DNHD1: variants seen among roughly 807,000 people sequenced by gnomAD.
DNHD1 encodes dynein heavy chain domain-containing protein 1.
A neutral mutation model predicts 458.1 loss-of-function variants in DNHD1; 383 were observed. That is an observed-to-expected ratio of 0.84 (90% CI 0.77 to 0.91). The LOEUF is 0.91. Ranked by LOEUF, DNHD1 falls within the 40% of genes least tolerant of loss-of-function variation. DNHD1 has a pLI of 0.00. For missense variants in DNHD1, 5,336 were observed against 5,866.1 expected (o/e 0.91, Z 2.95); for synonymous variants, 2,203 against 2,376.9 (o/e 0.93, Z 2.13).
intron 3 of DNHD1, among the ~76,000 whole-genome samples, chr11:6,499,717 G>A (rs1564992781): frequency 6.6e-6 from 1 of 151,902 alleles, no homozygotes; most frequent in Non-Finnish European, 1.5e-5. Flanking sequence ...ACAGGCACGT[G>A]CCACCATACT....
At position 6,497,599 on chromosome 11, in the gene DNHD1, G is replaced by C. The variant is rs1338974947; in HGVS notation, c.-514G>C. 1 of 152,840 alleles carries C rather than the reference G, an allele frequency of 6.5e-6. No individual in the cohort carries two copies. Among genetic ancestry groups the C allele is most frequent in the Non-Finnish European group, 1.5e-5 (1 of 68,482 alleles). 9.5% of individuals were successfully genotyped at this position (152,840 alleles called of 1,614,324 possible). On this transcript the variant is annotated 5_prime_UTR_variant, in exon 2 of 43. Transcript: ENST00000254579. ...CCGTTTTTCAGGCGATCGCCAGCTCGAGTGCAGATTCCTTGCTGTGACCGA... is the reference window on the plus strand; with the variant it reads ...CCGTTTTTCAGGCGATCGCCAGCTCCAGTGCAGATTCCTTGCTGTGACCGA...
At chr11:6,552,481 G>A (rs563087243) in intron 24 of DNHD1, among the ~76,000 whole-genome samples, 363 of 152,030 alleles carry the variant, frequency 2.4e-3, no homozygotes, top group Non-Finnish European at 3.6e-3. Flanking sequence ...CCAGGATCAC[G>A]CCATTGCACT....
At position 6,498,062 on chromosome 11, in the gene DNHD1, C is replaced by A; in HGVS notation, c.-154C>A. ...TTCCTCCTAACCCCATTGACTCTGA[C>A]CATCCCCTGCCCAGAGCCTGAGGTC... On this transcript the variant is annotated 5_prime_UTR_variant, in exon 3 of 43. Coordinates refer to ENST00000254579, the MANE Select transcript of DNHD1 (RefSeq NM_144666.3). The A allele has an allele frequency of 2.9e-6, 3 of 1,032,702 alleles. No homozygotes were observed. The highest frequency in any genetic ancestry group is 4.3e-6 in the Non-Finnish European group (3 of 697,794). The allele number at this position is 1,032,702 out of a possible 1,614,324, so 64.0% of individuals were successfully genotyped here. A position where few individuals can be genotyped will look rare whatever the true frequency, so the allele number is the denominator to read the frequency against.
rs1853654640 is a variant in DNHD1 at position 6,564,481 on chromosome 11, GC to G, written c.10436del (p.Pro3479GlnfsTer8). Reference protein sequence around the residue: ...ALCRGFQEALGPDDVAQALKR... With the variant: ...ALCRGFQEALXPDDVAQALKR... ...TGTAGGGGCTTTCAGGAGGCTCTGGGCCCAGATGATGTGGCACAGGCACTGA... is the reference window on the plus strand; with the variant it reads ...TGTAGGGGCTTTCAGGAGGCTCTGGGCCAGATGATGTGGCACAGGCACTGA... On this transcript the variant is annotated frameshift_variant, in exon 32 of 43. Transcript: ENST00000254579. LOFTEE classifies it high-confidence loss of function. 1 of 1,551,548 alleles carries G rather than the reference GC, an allele frequency of 6.4e-7. No individual in the cohort carries two copies. The highest frequency in any genetic ancestry group is 1.4e-5 in the African/African-American group (1 of 73,026).
chr11:6,512,262 C>T (rs1852354602), intron 7 of DNHD1, among the ~76,000 whole-genome samples: 1 of 134,070 alleles, frequency 7.5e-6, no homozygotes. Flanking sequence ...GCTCTGTCAC[C>T]CAGGCTGGAG....
At chr11:6,543,951 T>G (rs532380499) in intron 18 of DNHD1, among the ~76,000 whole-genome samples, 170 bp from the exon 19 acceptor site, 270 of 85,902 alleles carry the variant, frequency 3.1e-3, no homozygotes, top group Admixed American at 9.8e-3. Flanking sequence ...AAAGCGAGAC[T>G]CTGTCTCAAA....
At position 6,509,130 on chromosome 11, in the gene DNHD1, A is replaced by C; in HGVS notation, c.1125-32A>C. 3 of 1,614,114 alleles carry C rather than the reference A, an allele frequency of 1.9e-6. No individual in the cohort carries two copies. The East Asian group carries it at 6.7e-5, about 36-fold the overall frequency. ...ATTTGGGGGGAAATGGATGACAGCAACAGTATATTATCACTGACCTCTAAT... is the reference window on the plus strand; with the variant it reads ...ATTTGGGGGGAAATGGATGACAGCACCAGTATATTATCACTGACCTCTAAT... On this transcript the variant is annotated intron_variant, in intron 5 of 42. Transcript: ENST00000254579.
intron 3 of DNHD1, 41 bp from the exon 4 acceptor site, chr11:6,502,712 T>G: frequency 6.5e-7 from 1 of 1,537,126 alleles, no homozygotes; most frequent in African/African-American, 1.4e-5. Flanking sequence ...GTACTTGACC[T>G]TTTTACTCTG....
At chr11:6,513,801 C>T (rs1481187691) in intron 7 of DNHD1, among the ~76,000 whole-genome samples, 3 of 151,970 alleles carry the variant, frequency 2.0e-5, no homozygotes, top group African/African-American at 7.2e-5. Flanking sequence ...AGTGGTTGTA[C>T]CAGTTTACGT....
At position 6,546,066 on chromosome 11, in the gene DNHD1, G is replaced by A. The variant is rs1438788392; in HGVS notation, c.5127G>A (p.Val1709=). The stretch of plus-strand genomic sequence containing the variant: ...CACAGGCCCTGGGCCGCCAGCTGGT[G>A]ATGCTACCCTGCTCACCTCAGATAG... ...SLAQALGRQL[V]MLPCSPQIEA... The change falls in exon 21 of 43, where the codon GTG becomes GTA. Residue 1709 remains valine, a synonymous_variant. Coordinates refer to ENST00000254579, the MANE Select transcript of DNHD1 (RefSeq NM_144666.3). 2.6e-6 allele frequency: 4 copies of A among 1,551,196 alleles called. No individual in the cohort carries two copies. In the African/African-American group the frequency reaches 4.1e-5, roughly 16 times the overall value.
In DNHD1 at chr11:6,566,285, G is replaced by A. The variant is rs762736079; in HGVS notation, c.11098G>A (p.Glu3700Lys). ...CAATGTGGAGCTGGGTCTAGGGTGC[G>A]AAGAACTGCAATGGCTGCTGCAACG... Reference protein sequence around the residue: ...LTNVELGLGCEELQWLLQREQ... With the variant: ...LTNVELGLGCKELQWLLQREQ... The change falls in exon 34 of 43, where the codon GAA (glutamate) becomes AAA (lysine). Residue 3700 changes from glutamate to lysine, a missense_variant. Transcript: ENST00000254579. The A allele has an allele frequency of 2.3e-5, 36 of 1,551,816 alleles. No individual in the cohort carries two copies. The highest frequency in any genetic ancestry group is 7.1e-5 in the South Asian group (6 of 84,068).
chr11:6,509,346 T>A, intron 6 of DNHD1, 74 bp downstream of exon 6: 1 of 1,330,588 alleles, frequency 7.5e-7, no homozygotes. Flanking sequence ...ATGTTTGTTG[T>A]AGAAAATCTG....
At chr11:6,563,202 A>G (rs751824423) in intron 29 of DNHD1, 71 bp downstream of exon 29, 51 of 1,546,994 alleles carry the variant, frequency 3.3e-5, no homozygotes, top group Non-Finnish European at 1.7e-6. Flanking sequence ...AAGGATACCA[A>G]GAGGAGAGGA....
At position 6,528,795 on chromosome 11, in the gene DNHD1, CA is replaced by C; in HGVS notation, c.2103+9del. On this transcript the variant is annotated intron_variant, in intron 11 of 42. Transcript: ENST00000254579. ...CAACAGGTGCTGCTGGAGGTGAGAA[CA>C]GTGGTTTAAGGGATAGGGCGCTGCC... 1.3e-6 allele frequency: 2 copies of C among 1,551,284 alleles called. No homozygotes were observed. The highest frequency in any genetic ancestry group is 1.7e-6 in the Non-Finnish European group (2 of 1,146,690).
chr11:6,520,812 C>T lies in DNHD1; in HGVS notation c.1837+523C>T. ...AGCGTGGAAACACATCTTCACATTT[C>T]CCTTATTTAGGATACTAATGCTGTC... On this transcript the variant is annotated intron_variant, in intron 10 of 42. Transcript: ENST00000254579. 6.1e-6 allele frequency: 6 copies of T among 990,568 alleles called. No homozygotes were observed. The South Asian group carries it at 2.8e-4, about 46-fold the overall frequency. 61.4% of individuals were successfully genotyped at this position (990,568 alleles called of 1,614,324 possible).
Position 6,540,089 on chromosome 11 carries a change from A to C in DNHD1, c.3628+6A>C. 6.4e-7 allele frequency: 1 copy of C among 1,551,064 alleles called. No homozygotes were observed. Among genetic ancestry groups the C allele is most frequent in the South Asian group, 1.2e-5 (1 of 84,048 alleles). On this transcript the variant is annotated splice_donor_region_variant and intron_variant, in intron 18 of 42. Coordinates refer to ENST00000254579, the MANE Select transcript of DNHD1 (RefSeq NM_144666.3). ...TGGCACCTTCATCCTCTCAGGTGAG[A>C]CCCAGACCTTGTGACCTAGTGAAAG...
chr11:6,565,559 T>G (rs1853677510), intron 32 of DNHD1, 136 bp from the exon 33 acceptor site: 18 of 917,200 alleles, frequency 2.0e-5, no homozygotes, highest in South Asian at 3.7e-5. Flanking sequence ...AATTGAGTCA[T>G]AGAGAGCTTA....
At position 6,557,158 on chromosome 11, in the gene DNHD1, G is replaced by A; in HGVS notation, c.7863G>A (p.Glu2621=). 2 of 1,551,756 alleles carry A rather than the reference G, an allele frequency of 1.3e-6. No homozygotes were observed. The highest frequency in any genetic ancestry group is 1.7e-6 in the Non-Finnish European group (2 of 1,147,006). The change falls in exon 25 of 43, where the codon GAG becomes GAA. Residue 2621 remains glutamate, a synonymous_variant. Transcript: ENST00000254579. The stretch of plus-strand genomic sequence containing the variant: ...TTGTGGACTATCCCAACCACCAGGA[G>A]CACTTGCGCCGGGTGTCAGGCCTGC... ...RGFVDYPNHQ[E]HLRRVSGLRG... is the part of the protein sequence containing the mutation.
intron 7 of DNHD1, among the ~76,000 whole-genome samples, chr11:6,514,453 C>T (rs974660913): frequency 2.6e-5 from 4 of 150,984 alleles, no homozygotes; most frequent in Admixed American, 6.6e-5. Context: ...TTTTCCCTCC[C>T]TCTCTCTCTC....
Sources: allele counts gnomAD v4.1 joint callset (sites outside exome capture counted in the v4.1 genomes callset), GRCh38; gene constraint gnomAD v4.1.1; transcripts MANE v1.5; gene names NCBI Gene and HGNC (gene_info 2026-07-23, HGNC 2026-07-21).